Variants in SS18L1 observed in about 807,000 individuals in gnomAD.
SS18L1 encodes the protein calcium-responsive transactivator.
A neutral mutation model predicts 70.3 loss-of-function variants in SS18L1; 32 were observed. That is an observed-to-expected ratio of 0.46 (90% CI 0.34 to 0.61). The LOEUF (loss-of-function observed/expected upper bound fraction) is 0.61, where lower values mean the gene tolerates loss of function less well. SS18L1 is among the 20% of genes least tolerant of loss of function. SS18L1 has a pLI of 0.01. For missense variants in SS18L1, 430 were observed against 542.1 expected (o/e 0.79, Z 2.05); for synonymous variants, 237 against 229.7 (o/e 1.03, Z -0.29).
intron 1 of SS18L1, among the ~76,000 whole-genome samples, chr20:62,149,149 G>A (rs1263271385): frequency 2.6e-5 from 4 of 152,270 alleles, no homozygotes; most frequent in African/African-American, 9.6e-5. Flanking sequence ...GGTGGTGGCA[G>A]TGTCACGCCC....
rs35943394 is a variant in SS18L1 at position 62,164,215 on chromosome 20, G to A, written c.792G>A (p.Ala264=). 3.4e-3 allele frequency: 5,215 copies of A among 1,549,708 alleles called. 15 individuals carry two copies. Among genetic ancestry groups the A allele is most frequent in the Non-Finnish European group, 4.1e-3 (4,692 of 1,146,680 alleles). ...GEQYSHSQGA[A]EPMGQQYYPD... ...AGTACAGCCACAGCCAGGGCGCCGC[G>A]GAGCCCATGGGCCAGCAGTACTACC... Residue 264 remains alanine (A), a synonymous_variant, in exon 7 of 11, where the codon GCG becomes GCA. Transcript: ENST00000331758.
chr20:62,156,653 G>A (rs1265252588), intron 1 of SS18L1, among the ~76,000 whole-genome samples: 1 of 152,240 alleles, frequency 6.6e-6, no homozygotes, highest in South Asian at 2.1e-4. Flanking sequence ...GGCCTGGCTT[G>A]GCTCTCTCCA....
chr20:62,179,730 G>GGGGGGGGGGGGGGGGGCCCCC lies in SS18L1; in HGVS notation c.*522_*523insGGGGGGGGGGGGGGGGCCCCC. On this transcript the variant is annotated 3_prime_UTR_variant, in exon 11 of 11. Transcript: ENST00000331758. Reference sequence around the variant, plus strand: ...GTGCCTCGATGGGGTGGGTGGGAGGGCATCTTCTGTGCGTTGGGTCAGTTT... The same window carrying GGGGGGGGGGGGGGGGGCCCCC: ...GTGCCTCGATGGGGTGGGTGGGAGGGGGGGGGGGGGGGGGGGCCCCCCATCTTCTGTGCGTTGGGTCAGTTT... 1.0e-5 allele frequency: 1 copy of GGGGGGGGGGGGGGGGGCCCCC among 96,714 alleles called. No homozygotes were observed. The highest frequency in any genetic ancestry group is 2.0e-5 in the Non-Finnish European group (1 of 48,824). 6.0% of individuals were successfully genotyped at this position (96,714 alleles called of 1,614,324 possible).
rs917503130 is a variant in SS18L1 at position 62,174,130 on chromosome 20, G to A, written c.1037-387G>A. On this transcript the variant is annotated intron_variant, in intron 9 of 10. Coordinates refer to ENST00000331758, the MANE Select transcript of SS18L1 (RefSeq NM_198935.3). The surrounding 1 kb of genome is among the most constrained non-coding windows in gnomAD (Gnocchi z 4.1). ...CCTGCAGGTTTTCAGCAGCTCCCGTGGTAGTTCAGTGACAAGTTACAGCAG... is the reference window on the plus strand; with the variant it reads ...CCTGCAGGTTTTCAGCAGCTCCCGTAGTAGTTCAGTGACAAGTTACAGCAG... Among the ~76,000 whole-genome samples the A allele has an allele frequency of 2.6e-5, 4 of 152,174 alleles. No individual in the cohort carries two copies. The highest frequency in any genetic ancestry group is 3.9e-4 in the East Asian group (2 of 5,192).
intron 1 of SS18L1, among the ~76,000 whole-genome samples, chr20:62,150,567 GCAGA>G (rs1010960053): frequency 6.2e-5 from 9 of 145,284 alleles, no homozygotes; most frequent in Non-Finnish European, 9.0e-5. Flanking sequence ...GTCTGTCCAA[GCAGA>G]CAGAGTACTA....
In SS18L1 at chr20:62,159,986, T is replaced by G. The variant is rs764708779; in HGVS notation, c.231+25T>G. 1.6e-5 allele frequency: 25 copies of G among 1,600,998 alleles called. No individual in the cohort carries two copies. The highest frequency in any genetic ancestry group is 2.1e-5 in the Non-Finnish European group (25 of 1,174,430). ...CGTGAGTACCCACGGGGGGTTGGCC[T>G]CCTTTACCCAGCAAGGACTCCGACA... On this transcript the variant is annotated intron_variant, in intron 3 of 10. Coordinates refer to ENST00000331758, the MANE Select transcript of SS18L1 (RefSeq NM_198935.3). This position sits in a 1 kb window ranked among gnomAD's most constrained non-coding sequence, Gnocchi z 4.4.
intron 10 of SS18L1, among the ~76,000 whole-genome samples, chr20:62,178,193 C>G (rs565387477): frequency 1.4e-5 from 2 of 144,236 alleles, no homozygotes; most frequent in Admixed American, 7.0e-5. Flanking sequence ...GTCACCCACA[C>G]TGGAATACAG....
rs1280307445 is a variant in SS18L1 at position 62,158,175 on chromosome 20, T to A, written c.70-497T>A. On this transcript the variant is annotated intron_variant, in intron 1 of 10. Transcript: ENST00000331758. This position sits in a 1 kb window ranked among gnomAD's most constrained non-coding sequence, Gnocchi z 4.5. ...TGGCTGACCCTTGCTGCACAGATGC[T>A]CTGCCGTCAAGGGCCCTGGAAGCTG... Among the ~76,000 whole-genome samples, 1 of 152,076 alleles carries A rather than the reference T, an allele frequency of 6.6e-6. No homozygotes were observed. The highest frequency in any genetic ancestry group is 2.4e-5 in the African/African-American group (1 of 41,414).
At chr20:62,153,294 C>A (rs962864456) in intron 1 of SS18L1, among the ~76,000 whole-genome samples, 1 of 152,174 alleles carries the variant, frequency 6.6e-6, no homozygotes, top group Non-Finnish European at 1.5e-5. Flanking sequence ...ATGGGAACTA[C>A]AATTGAAGAT....
At chr20:62,169,097 G>A (rs548991946) in intron 8 of SS18L1, among the ~76,000 whole-genome samples, 8 of 152,320 alleles carry the variant, frequency 5.3e-5, no homozygotes, top group South Asian at 2.1e-4. Context: ...CGAGTCCCGC[G>A]TTCGCGTCAC....
chr20:62,177,645 G>A (rs903807588), intron 10 of SS18L1, among the ~76,000 whole-genome samples: 2 of 152,220 alleles, frequency 1.3e-5, no homozygotes, highest in African/African-American at 4.8e-5. Context: ...CAGGTCCGAT[G>A]CTCCGTTTTG....
chr20:62,170,062 G>A (rs939808480), intron 8 of SS18L1, among the ~76,000 whole-genome samples: 2 of 152,190 alleles, frequency 1.3e-5, no homozygotes, highest in Non-Finnish European at 1.5e-5. Flanking sequence ...TTTGAGCGTC[G>A]TTCACATGTT....
chr20:62,145,164 T>C (rs1048315183), intron 1 of SS18L1, among the ~76,000 whole-genome samples: 6 of 152,398 alleles, frequency 3.9e-5, no homozygotes, highest in Admixed American at 2.6e-4. Context: ...TAAACACTTA[T>C]GTGGCGCTTA....
At chr20:62,157,511 T>C (rs1224390974) in intron 1 of SS18L1, among the ~76,000 whole-genome samples, 1 of 152,076 alleles carries the variant, frequency 6.6e-6, no homozygotes, top group South Asian at 2.1e-4. Context: ...CTTGGCGGAG[T>C]GTATGCCTGG....
intron 1 of SS18L1, among the ~76,000 whole-genome samples, chr20:62,153,021 T>C (rs1249217253): frequency 1.3e-5 from 2 of 152,122 alleles, no homozygotes; most frequent in African/African-American, 2.4e-5. Flanking sequence ...GGGTAATTTA[T>C]AAAGGAAAGA....
At position 62,161,307 on chromosome 20, in the gene SS18L1, C is replaced by A; in HGVS notation, c.232-129C>A. On this transcript the variant is annotated intron_variant, in intron 3 of 10. Coordinates refer to ENST00000331758, the MANE Select transcript of SS18L1 (RefSeq NM_198935.3). The surrounding 1 kb of genome is among the most constrained non-coding windows in gnomAD (Gnocchi z 4.4). ...TGGCTGTGACGATGGCTGCTGATTA[C>A]GAACATTGACCAGGTGGCCATGATG... The A allele has an allele frequency of 7.5e-7, 1 of 1,332,652 alleles. No homozygotes were observed. The highest frequency in any genetic ancestry group is 1.1e-6 in the Non-Finnish European group (1 of 941,630). 82.6% of individuals were successfully genotyped at this position (1,332,652 alleles called of 1,614,324 possible).
chr20:62,181,883 G>C lies in SS18L1; in HGVS notation c.*2675G>C. ...TATGGAAGGCCAGTGAAGAAGCAAA[G>C]GAAGACATGAAAATTGACGCTCATT... On this transcript the variant is annotated 3_prime_UTR_variant, in exon 11 of 11. Transcript: ENST00000331758. 4.4e-6 allele frequency: 1 copy of C among 228,196 alleles called. No homozygotes were observed. The highest frequency in any genetic ancestry group is 6.3e-5 in the East Asian group (1 of 15,868). The allele number at this position is 228,196 out of a possible 1,614,324, so 14.1% of individuals were successfully genotyped here.
intron 1 of SS18L1, among the ~76,000 whole-genome samples, chr20:62,145,175 C>G (rs1055162920): frequency 6.6e-6 from 1 of 152,230 alleles, no homozygotes; most frequent in African/African-American, 2.4e-5. Context: ...GTGGCGCTTA[C>G]CGTATCCCAG....
chr20:62,170,893 A>AT (rs1387653916), intron 8 of SS18L1, among the ~76,000 whole-genome samples: 423 of 144,168 alleles, frequency 2.9e-3, no homozygotes, highest in Admixed American at 5.2e-3. Context: ...TGGCTCCTTT[A>AT]TTTTTTTTTT....
Sources: allele counts gnomAD v4.1 joint callset (sites outside exome capture counted in the v4.1 genomes callset), GRCh38; gene constraint gnomAD v4.1.1; non-coding constraint Gnocchi (gnomAD v3.1); transcripts MANE v1.5; gene names NCBI Gene and HGNC (gene_info 2026-07-23, HGNC 2026-07-21).